The following APPBP2 variants were observed in gnomAD, a reference collection of about 807,000 sequenced individuals.
APPBP2 encodes the protein amyloid beta precursor protein binding protein 2.
In APPBP2, 15 loss-of-function variants were observed where a neutral mutation model predicts 76.0. The observed-to-expected ratio is 0.20, with a 90% CI of 0.13 to 0.30. APPBP2 has a LOEUF of 0.30. Ranked by LOEUF, APPBP2 falls within the 10% of genes least tolerant of loss-of-function variation. The pLI is 1.00. For missense variants in APPBP2, 401 were observed against 687.2 expected, an observed-to-expected ratio of 0.58 and a Z score of 4.66; for synonymous variants, 222 against 242.2, an observed-to-expected ratio of 0.92 and a Z score of 0.77.
At chr17:60,510,042 T>C (rs1056246253) in intron 1 of APPBP2, among the ~76,000 whole-genome samples, 6 of 152,210 alleles carry the variant, frequency 3.9e-5, no homozygotes, top group Non-Finnish European at 7.3e-5. Flanking sequence ...TAAAAGAATA[T>C]GTTTCATTTA....
At chr17:60,517,038 T>C (rs1400503709) in intron 1 of APPBP2, among the ~76,000 whole-genome samples, 1 of 152,202 alleles carries the variant, frequency 6.6e-6, no homozygotes, top group African/African-American at 2.4e-5. Context: ...TGCAATGTCA[T>C]GATCTCAGCT....
chr17:60,497,541 C>A (rs967505309), intron 2 of APPBP2, among the ~76,000 whole-genome samples: 4 of 152,060 alleles, frequency 2.6e-5, no homozygotes, highest in Admixed American at 6.6e-5. Context: ...AGGTGATGAA[C>A]ACCTCATTTA....
chr17:60,494,142 T>C (rs918769990), intron 3 of APPBP2, among the ~76,000 whole-genome samples: 1 of 152,192 alleles, frequency 6.6e-6, no homozygotes, highest in Non-Finnish European at 1.5e-5. Context: ...AAAACACATA[T>C]TATGGAATCA....
At chr17:60,497,631 T>C (rs2090787269) in intron 2 of APPBP2, among the ~76,000 whole-genome samples, 1 of 152,130 alleles carries the variant, frequency 6.6e-6, no homozygotes, top group Non-Finnish European at 1.5e-5. Flanking sequence ...CTAATATGTA[T>C]GTACTATGTA....
intron 3 of APPBP2, among the ~76,000 whole-genome samples, chr17:60,483,772 G>A (rs2143395494): frequency 1.3e-5 from 2 of 152,302 alleles, no homozygotes; most frequent in South Asian, 4.1e-4. Context: ...TGTTGCCATT[G>A]CTTTTCGTGT....
chr17:60,496,151 T>C (rs1200293536), intron 2 of APPBP2, among the ~76,000 whole-genome samples: 1 of 152,208 alleles, frequency 6.6e-6, no homozygotes, highest in Non-Finnish European at 1.5e-5. Context: ...GAGGAAATGG[T>C]CAGCCAAGAG....
chr17:60,447,975 G>A (rs2090363239), intron 12 of APPBP2, 141 bp from the exon 13 acceptor site: 1 of 780,668 alleles, frequency 1.3e-6, no homozygotes, highest in South Asian at 1.9e-5. Context: ...TATAATTCTT[G>A]TATCAGCATC....
At chr17:60,450,282 C>CA (rs2090383320) in intron 12 of APPBP2, among the ~76,000 whole-genome samples, 1 of 151,342 alleles carries the variant, frequency 6.6e-6, no homozygotes, top group South Asian at 2.1e-4. Context: ...ACTAAAAATA[C>CA]AAAAAATTAG....
At chr17:60,522,325 C>T (rs191425523) in intron 1 of APPBP2, among the ~76,000 whole-genome samples, 17 of 152,100 alleles carry the variant, frequency 1.1e-4, no homozygotes, top group Admixed American at 3.9e-4. Flanking sequence ...CCTATATTAA[C>T]GACTTGTTTT....
chr17:60,513,349 G>C (rs1229360343), intron 1 of APPBP2: 2 of 613,238 alleles, frequency 3.3e-6, no homozygotes, highest in Non-Finnish European at 6.0e-6. Flanking sequence ...CCTGAAACTA[G>C]AGGAACAGCT....
intron 1 of APPBP2, among the ~76,000 whole-genome samples, chr17:60,501,377 C>T (rs531495666): frequency 6.6e-6 from 1 of 152,172 alleles, no homozygotes; most frequent in Admixed American, 6.6e-5. Context: ...CCTGCAACCC[C>T]GCCTCAATGT....
chr17:60,455,725 T>G (rs2090426143), intron 10 of APPBP2, among the ~76,000 whole-genome samples: 1 of 152,128 alleles, frequency 6.6e-6, no homozygotes, highest in South Asian at 2.1e-4. Flanking sequence ...AAAAAATTAA[T>G]GCATGCATGA....
intron 1 of APPBP2, among the ~76,000 whole-genome samples, chr17:60,510,012 T>C (rs1175038582): frequency 6.6e-6 from 1 of 152,102 alleles, no homozygotes; most frequent in Non-Finnish European, 1.5e-5. Flanking sequence ...GTCTTGTAAA[T>C]GTATCCTTTA....
intron 1 of APPBP2, among the ~76,000 whole-genome samples, chr17:60,500,692 A>G (rs982340417): frequency 2.6e-5 from 4 of 152,222 alleles, no homozygotes; most frequent in African/African-American, 9.6e-5. Context: ...TAAACCACCT[A>G]GAACAGTACC....
rs1284950672 is a variant in APPBP2 at position 60,464,072 on chromosome 17, T to C, written c.711A>G (p.Thr237=). 2 of 1,612,418 alleles carry C rather than the reference T, an allele frequency of 1.2e-6. No individual in the cohort carries two copies. The highest frequency in any genetic ancestry group is 1.7e-6 in the Non-Finnish European group (2 of 1,179,420). ...CCACAACTTTCACTGGTAAGCCTGC[T>C]GTAATTTCTTTCATTGCCTCGATGC... The part of the protein sequence containing the change: ...KWCIEAMKEI[T]AGLPVKVVVD... The change falls in exon 6 of 13, where the codon ACA becomes ACG. Residue 237 remains threonine, a synonymous_variant. Transcript: ENST00000083182.
Position 60,444,618 on chromosome 17 carries a change from G to C in APPBP2, c.*2963C>G, listed in dbSNP as rs954681377. On this transcript the variant is annotated 3_prime_UTR_variant, in exon 13 of 13. Transcript: ENST00000083182. ...TAGTGAGCCAATTTTTAACCAAGCA[G>C]AGACAGAGATTTGATGGTAGTAAGG... 11 of 152,036 alleles carry C rather than the reference G, an allele frequency of 7.2e-5. No individual in the cohort carries two copies. The highest frequency in any genetic ancestry group is 8.8e-5 in the Non-Finnish European group (6 of 68,016). The allele number at this position is 152,036 out of a possible 1,614,324, so 9.4% of individuals were successfully genotyped here. A position where few individuals can be genotyped will look rare whatever the true frequency, so the allele number is the denominator to read the frequency against.
Position 60,445,160 on chromosome 17 carries a change from T to C in APPBP2, c.*2421A>G, listed in dbSNP as rs2090335664. 1 of 152,452 alleles carries C rather than the reference T, an allele frequency of 6.6e-6. No individual in the cohort carries two copies. Among genetic ancestry groups the C allele is most frequent in the South Asian group, 2.1e-4 (1 of 4,830 alleles). The allele number at this position is 152,452 out of a possible 1,614,324, so 9.4% of individuals were successfully genotyped here. The stretch of plus-strand genomic sequence containing the variant: ...CCCTAACCAAAATGGCAATGTTTTC[T>C]TAAGCTAGAGTGTATGCATTAAAGT... On this transcript the variant is annotated 3_prime_UTR_variant, in exon 13 of 13. Transcript: ENST00000083182.
chr17:60,505,689 T>G (rs923086491), intron 1 of APPBP2, among the ~76,000 whole-genome samples: 28 of 139,926 alleles, frequency 2.0e-4, no homozygotes, highest in East Asian at 2.0e-4. Context: ...TTTTTTTTTT[T>G]TTTTTTTTTT....
chr17:60,454,254 C>A, intron 11 of APPBP2, 48 bp downstream of exon 11: 1 of 1,316,268 alleles, frequency 7.6e-7, no homozygotes, highest in South Asian at 1.6e-5. Context: ...ATTTCAGGTT[C>A]TATTTCATTA....
Sources: allele counts gnomAD v4.1 joint callset (sites outside exome capture counted in the v4.1 genomes callset), GRCh38; gene constraint gnomAD v4.1.1; transcripts MANE v1.5; gene names NCBI Gene and HGNC (gene_info 2026-07-23, HGNC 2026-07-21).